Variants in AGBL1 observed in about 807,000 individuals in gnomAD.
The protein encoded by AGBL1 is cytosolic carboxypeptidase 4.
Under a neutral mutation model 118.9 loss-of-function variants are expected in AGBL1, and 130 were observed. The observed-to-expected ratio is 1.09, with a 90% CI of 0.95 to 1.26. AGBL1 has a LOEUF of 1.26. Ranked by LOEUF, AGBL1 falls within the 50% of genes most tolerant of loss-of-function variation. The probability of loss-of-function intolerance (pLI) is 0.00; values close to 1 mark genes in which losing one functional copy is unlikely to be tolerated. For missense variants in AGBL1, 1,584 were observed against 1,298.1 expected, an observed-to-expected ratio of 1.22 and a Z score of -3.38; for synonymous variants, 555 against 478.9, an observed-to-expected ratio of 1.16 and a Z score of -2.08.
rs569056934 is a variant in AGBL1, at chr15:86,532,073, C to T, written c.2685+9134C>T. On this transcript the variant is annotated intron_variant, in intron 19 of 22. Coordinates refer to ENST00000614907, the MANE Select transcript of AGBL1 (RefSeq NM_001386094.1). The stretch of plus-strand genomic sequence containing the variant: ...ACAAGACAGGGATGCCCTCTCTCAC[C>T]GCTCCTATTCAACATAGTGTTGGAA... Among the ~76,000 whole-genome samples, 50 of 151,328 alleles carry T rather than the reference C, an allele frequency of 3.3e-4. 1 individual carries two copies. The highest frequency in any genetic ancestry group is 2.8e-3 in the Admixed American group (42 of 15,246).
chr15:86,776,256 G>A (rs866331685), intron 22 of AGBL1, among the ~76,000 whole-genome samples: 4 of 152,174 alleles, frequency 2.6e-5, no homozygotes, highest in Admixed American at 6.5e-5. Context: ...CCTTTGCCTT[G>A]TATAAAAGTT....
At chr15:86,722,552 C>T (rs1178299074) in intron 22 of AGBL1, among the ~76,000 whole-genome samples, 1 of 152,130 alleles carries the variant, frequency 6.6e-6, no homozygotes, top group Admixed American at 6.5e-5. Context: ...ACCATAAAAA[C>T]CCTAGAAGAA....
intron 1 of AGBL1, among the ~76,000 whole-genome samples, chr15:86,126,437 T>A (rs181169478): frequency 2.6e-5 from 4 of 152,308 alleles, no homozygotes; most frequent in Admixed American, 2.6e-4. Flanking sequence ...TCTGTGGGTC[T>A]TTGTTGCTCC....
rs939577321 is a variant in AGBL1, at chr15:86,283,296, A to C, written c.2220+3513A>C. Among the ~76,000 whole-genome samples the C allele has an allele frequency of 3.3e-5, 5 of 152,172 alleles. No homozygotes were observed. In the East Asian group the frequency reaches 5.8e-4, roughly 18 times the overall value. On this transcript the variant is annotated intron_variant, in intron 16 of 22. Coordinates refer to ENST00000614907, the MANE Select transcript of AGBL1 (RefSeq NM_001386094.1). The stretch of plus-strand genomic sequence containing the variant: ...CTGATGAATATTTTAGGAGGTAAAA[A>C]ATTGGGATCTCACTGAGAACTTATA...
chr15:87,006,435 C>T (rs1221668580), intron 24 of AGBL1, among the ~76,000 whole-genome samples: 1 of 152,152 alleles, frequency 6.6e-6, no homozygotes, highest in Non-Finnish European at 1.5e-5. Flanking sequence ...GCAGTTTGAC[C>T]TCAGACTGCT....
intron 22 of AGBL1, among the ~76,000 whole-genome samples, chr15:86,749,607 T>C (rs541807587): frequency 6.6e-6 from 1 of 152,310 alleles, no homozygotes; most frequent in African/African-American, 2.4e-5. Flanking sequence ...AAGGGAATGC[T>C]TCCAGTTTTT....
chr15:86,079,923 C>T lies in AGBL1; in HGVS notation c.-50C>T, dbSNP rs1235224450. 8.2e-7 allele frequency: 1 copy of T among 1,221,686 alleles called. No individual in the cohort carries two copies. Among genetic ancestry groups the T allele is most frequent in the Non-Finnish European group, 1.0e-6 (1 of 978,330 alleles). 75.7% of individuals were successfully genotyped at this position (1,221,686 alleles called of 1,614,324 possible). ...GGTCAGCTTGGCAGCCGCTGCCTCT[C>T]CAGCCTGGATCTGGCCGCAGGCAGC... On this transcript the variant is annotated 5_prime_UTR_variant, in exon 1 of 23. Coordinates refer to ENST00000614907, the MANE Select transcript of AGBL1 (RefSeq NM_001386094.1).
intron 1 of AGBL1, among the ~76,000 whole-genome samples, chr15:86,136,787 A>G (rs2076895262): frequency 1.3e-5 from 2 of 152,158 alleles, no homozygotes; most frequent in South Asian, 4.1e-4. Flanking sequence ...TGGGAGGAGG[A>G]AGGCAACAGG....
intron 18 of AGBL1, 35 bp from the exon 19 acceptor site, chr15:86,522,775 A>T: frequency 1.2e-6 from 2 of 1,604,988 alleles, no homozygotes; most frequent in African/African-American, 2.7e-5. Flanking sequence ...TTTCTTCTGA[A>T]TGTGTATTTA....
intron 17 of AGBL1, among the ~76,000 whole-genome samples, chr15:86,379,960 T>C (rs572544068): frequency 2.0e-5 from 3 of 152,356 alleles, no homozygotes; most frequent in East Asian, 1.9e-4. Context: ...TAAATTTAAA[T>C]GATGACTTGA....
At chr15:87,018,767 T>C (rs912785060) in intron 24 of AGBL1, among the ~76,000 whole-genome samples, 7 of 152,130 alleles carry the variant, frequency 4.6e-5, no homozygotes, top group African/African-American at 1.7e-4. Flanking sequence ...AACTCACATA[T>C]AACAATACAA....
intron 22 of AGBL1, among the ~76,000 whole-genome samples, chr15:86,770,321 C>A (rs917251721): frequency 1.3e-5 from 2 of 151,788 alleles, no homozygotes; most frequent in African/African-American, 4.8e-5. Context: ...GATTTTGCAT[C>A]CCCGCACAGG....
At chr15:86,682,066 G>A (rs2085969106) in intron 22 of AGBL1, among the ~76,000 whole-genome samples, 1 of 152,112 alleles carries the variant, frequency 6.6e-6, no homozygotes, top group South Asian at 2.1e-4. Context: ...TTAATTATCT[G>A]CTGTTGTCTT....
intron 1 of AGBL1, among the ~76,000 whole-genome samples, chr15:86,108,406 A>G (rs1290260434): frequency 1.3e-5 from 2 of 152,262 alleles, no homozygotes; most frequent in East Asian, 1.9e-4. Flanking sequence ...GCTTAAAGAC[A>G]TAAAGGTATA....
chr15:86,745,152 G>A (rs2077737527), intron 22 of AGBL1, among the ~76,000 whole-genome samples: 2 of 152,036 alleles, frequency 1.3e-5, no homozygotes, highest in Non-Finnish European at 2.9e-5. Flanking sequence ...TTAATTCAAG[G>A]AATGACATCC....
chr15:86,910,800 C>T lies in AGBL1; in HGVS notation c.*3506C>T, dbSNP rs2080339992. On this transcript the variant is annotated 3_prime_UTR_variant, in exon 23 of 23. Transcript: ENST00000614907. ...GGTGAATGTCCTGAGCACCTAAGCC[C>T]AGGTGTCAGTGAGTTGGGAAGGCAA... 6.6e-6 allele frequency: 1 copy of T among 152,128 alleles called. No individual in the cohort carries two copies. The highest frequency in any genetic ancestry group is 2.4e-5 in the African/African-American group (1 of 41,422). 9.4% of individuals were successfully genotyped at this position (152,128 alleles called of 1,614,324 possible).
intron 1 of AGBL1, among the ~76,000 whole-genome samples, chr15:86,135,169 G>T (rs1474473567): frequency 6.6e-6 from 1 of 152,096 alleles, no homozygotes; most frequent in African/African-American, 2.4e-5. Context: ...TGTTTCCCAC[G>T]TGAGCTTGTT....
At chr15:86,468,173 A>G (rs2082430893) in intron 18 of AGBL1, among the ~76,000 whole-genome samples, 1 of 152,088 alleles carries the variant, frequency 6.6e-6, no homozygotes, top group Non-Finnish European at 1.5e-5. Context: ...CCTTGAAGAA[A>G]AATTGCATGT....
chr15:86,498,686 T>G (rs1429502232), intron 18 of AGBL1, among the ~76,000 whole-genome samples: 3 of 151,950 alleles, frequency 2.0e-5, no homozygotes, highest in African/African-American at 4.8e-5. Context: ...CCTGCAATTT[T>G]GGAGAATAGC....
Sources: gnomAD v4.1 joint callset for allele counts (sites outside exome capture counted in the v4.1 genomes callset) on GRCh38, gnomAD v4.1.1 for gene constraint, MANE v1.5 for transcripts, NCBI Gene and HGNC (gene_info 2026-07-23, HGNC 2026-07-21) for gene names.